Variants in LAPTM5 observed in about 807,000 individuals in gnomAD.
LAPTM5 encodes lysosomal-associated transmembrane protein 5.
In LAPTM5, 11 loss-of-function variants were observed where a neutral mutation model predicts 30.1. That is an observed-to-expected ratio of 0.37 (90% CI 0.23 to 0.60). LAPTM5 has a LOEUF of 0.60. Among genes scored for constraint, LAPTM5 ranks in the 20% least tolerant of loss-of-function variants. The pLI is 0.71. For missense variants in LAPTM5, 324 were observed against 332.5 expected, an observed-to-expected ratio of 0.97 and a Z score of 0.20; for synonymous variants, 151 against 137.9, an observed-to-expected ratio of 1.10 and a Z score of -0.67.
At chr1:30,757,614 T>C (rs750773128) in intron 1 of LAPTM5, 45 bp downstream of exon 1, 2 of 1,588,538 alleles carry the variant, frequency 1.3e-6, no homozygotes, top group Admixed American at 3.5e-5. Context: ...ACATTCACAC[T>C]CACACAAGCA....
intron 1 of LAPTM5, among the ~76,000 whole-genome samples, chr1:30,747,590 A>G (rs569002943): frequency 6.6e-6 from 1 of 152,168 alleles, no homozygotes; most frequent in South Asian, 2.1e-4. Flanking sequence ...AGCTTCCCCA[A>G]GCTGGCCAGT....
intron 5 of LAPTM5, 25 bp downstream of exon 5, chr1:30,738,915 G>T: frequency 6.3e-7 from 1 of 1,586,510 alleles, no homozygotes; most frequent in Non-Finnish European, 8.6e-7. Flanking sequence ...CAGCAAATGG[G>T]CATGGTTCCC....
At chr1:30,753,534 C>G (rs111914912) in intron 1 of LAPTM5, among the ~76,000 whole-genome samples, 3,905 of 152,198 alleles carry the variant, frequency 0.026, 58 homozygotes, top group Non-Finnish European at 0.037. Flanking sequence ...CCAGACTAAT[C>G]ATGAGAAAAC....
intron 1 of LAPTM5, among the ~76,000 whole-genome samples, chr1:30,748,372 C>G (rs77578501): frequency 0.014 from 2,189 of 152,226 alleles, 52 homozygotes; most frequent in African/African-American, 0.048. Flanking sequence ...GCCCCTCCCC[C>G]TCAGGGCTGC....
chr1:30,743,567 C>T (rs1640001087), intron 1 of LAPTM5, among the ~76,000 whole-genome samples: 1 of 152,202 alleles, frequency 6.6e-6, no homozygotes, highest in Admixed American at 6.5e-5. Context: ...CATGTCCTCA[C>T]AGCAAGCCCT....
intron 1 of LAPTM5, among the ~76,000 whole-genome samples, chr1:30,749,469 A>G (rs1188350): frequency 0.42 from 63,416 of 152,114 alleles, 14,225 homozygotes; most frequent in African/African-American, 0.58. Context: ...GTGCTTTTCT[A>G]TAGGTAAATT....
intron 7 of LAPTM5, among the ~76,000 whole-genome samples, chr1:30,734,801 G>T (rs915939525): frequency 6.6e-6 from 1 of 152,166 alleles, no homozygotes; most frequent in African/African-American, 2.4e-5. Flanking sequence ...CTCCAGGAAG[G>T]CTTCCCTGAT....
chr1:30,741,844 C>T, intron 2 of LAPTM5, 128 bp from the exon 3 acceptor site: 1 of 595,368 alleles, frequency 1.7e-6, no homozygotes, highest in South Asian at 2.1e-5. Flanking sequence ...CAGGCCCTGC[C>T]CTCTTGCAGT....
chr1:30,749,595 A>G (rs1377017195), intron 1 of LAPTM5, among the ~76,000 whole-genome samples: 1 of 152,208 alleles, frequency 6.6e-6, no homozygotes, highest in Non-Finnish European at 1.5e-5. Flanking sequence ...ACGAGCATCC[A>G]GGCCAGAGGG....
intron 1 of LAPTM5, among the ~76,000 whole-genome samples, chr1:30,744,655 A>G (rs1266549658): frequency 6.6e-6 from 1 of 152,122 alleles, no homozygotes; most frequent in Non-Finnish European, 1.5e-5. Flanking sequence ...TGCTTGTTTT[A>G]TAAACTCAGA....
At chr1:30,741,978 A>G (rs1014659951) in intron 2 of LAPTM5, 6 of 386,016 alleles carry the variant, frequency 1.6e-5, no homozygotes, top group South Asian at 3.0e-5. Context: ...GAGGCTGAGG[A>G]AGGCATCCCT....
At position 30,742,438 on chromosome 1, in the gene LAPTM5, G is replaced by A. The variant is rs753293212; in HGVS notation, c.181+18C>T. Reference sequence around the variant, plus strand: ...GTCCTCCTCCCCCCGCCACTCCACCGGCGTCCCCTGGACCTACCGATCCTG... The same window carrying A: ...GTCCTCCTCCCCCCGCCACTCCACCAGCGTCCCCTGGACCTACCGATCCTG... On this transcript the variant is annotated intron_variant, in intron 2 of 7. Coordinates refer to ENST00000294507, the MANE Select transcript of LAPTM5 (RefSeq NM_006762.3). 33 of 1,596,218 alleles carry A rather than the reference G, an allele frequency of 2.1e-5. No individual in the cohort carries two copies. Among genetic ancestry groups the A allele is most frequent in the African/African-American group, 1.2e-4 (9 of 74,606 alleles).
chr1:30,732,681 A>G lies in LAPTM5; in HGVS notation c.*1147T>C, dbSNP rs1053945960. 6.6e-6 allele frequency: 1 copy of G among 152,012 alleles called. No homozygotes were observed. The highest frequency in any genetic ancestry group is 1.5e-5 in the Non-Finnish European group (1 of 68,010). 9.4% of individuals were successfully genotyped at this position (152,012 alleles called of 1,614,324 possible). A position where few individuals can be genotyped will look rare whatever the true frequency, so the allele number is the denominator to read the frequency against. On this transcript the variant is annotated 3_prime_UTR_variant, in exon 8 of 8. Transcript: ENST00000294507. ...AGGCACAGGAGGGCTGTTGGGGCCA[A>G]ACCTCCCCAGCTGCCACAACCGCCA...
At chr1:30,740,714 G>T (rs1207182187) in intron 3 of LAPTM5, among the ~76,000 whole-genome samples, 1 of 152,088 alleles carries the variant, frequency 6.6e-6, no homozygotes, top group Non-Finnish European at 1.5e-5. Context: ...CATTTCTCTA[G>T]CTGAACCCTT....
chr1:30,747,410 A>G (rs1219701234), intron 1 of LAPTM5, among the ~76,000 whole-genome samples: 1 of 152,086 alleles, frequency 6.6e-6, no homozygotes, highest in Non-Finnish European at 1.5e-5. Flanking sequence ...GGTCAAAATC[A>G]GCTCTGTCCT....
chr1:30,752,045 C>T (rs1640145576), intron 1 of LAPTM5, among the ~76,000 whole-genome samples: 1 of 152,176 alleles, frequency 6.6e-6, no homozygotes, highest in Non-Finnish European at 1.5e-5. Context: ...AGGAGAGCTT[C>T]CTGGAGGAGG....
chr1:30,745,464 C>T (rs563320463), intron 1 of LAPTM5, among the ~76,000 whole-genome samples: 124 of 152,128 alleles, frequency 8.2e-4, no homozygotes, highest in Non-Finnish European at 1.4e-3. Flanking sequence ...CAGCACCAGG[C>T]ACCAGAGGTA....
chr1:30,742,187 G>C, intron 2 of LAPTM5: 2 of 530,742 alleles, frequency 3.8e-6, no homozygotes, highest in South Asian at 4.2e-5. Flanking sequence ...TTAAGCAGAA[G>C]AGTGAGGCTA....
intron 1 of LAPTM5, among the ~76,000 whole-genome samples, chr1:30,755,168 A>G (rs1051188132): frequency 6.6e-6 from 1 of 151,228 alleles, no homozygotes; most frequent in Non-Finnish European, 1.5e-5. Flanking sequence ...ACGTCTCATC[A>G]CTCATAGGCA....
Sources: gnomAD v4.1 joint callset for allele counts (sites outside exome capture counted in the v4.1 genomes callset) on GRCh38, gnomAD v4.1.1 for gene constraint, MANE v1.5 for transcripts, NCBI Gene and HGNC (gene_info 2026-07-23, HGNC 2026-07-21) for gene names.